The following ERC2 variants were observed in gnomAD, a reference collection of about 807,000 sequenced individuals.
ERC2 encodes ERC protein 2.
Under a neutral mutation model 114.8 loss-of-function variants are expected in ERC2, and 42 were observed. The ratio of observed to expected loss-of-function variants is 0.37; its 90% confidence interval spans 0.29 to 0.47. ERC2 has a LOEUF of 0.47. Among genes scored for constraint, ERC2 ranks in the 20% least tolerant of loss-of-function variants. ERC2 has a pLI of 0.99. For missense variants in ERC2, 939 were observed against 1,150.7 expected (o/e 0.82, Z 2.66); for synonymous variants, 454 against 425.5 (o/e 1.07, Z -0.82).
chr3:55,798,948 A>T (rs930147920), intron 14 of ERC2, among the ~76,000 whole-genome samples: 6 of 152,206 alleles, frequency 3.9e-5, no homozygotes, highest in East Asian at 3.8e-4. Context: ...ATACATTTTT[A>T]AAAATAATGT....
intron 13 of ERC2, among the ~76,000 whole-genome samples, chr3:55,947,749 A>G (rs572325818): frequency 6.6e-6 from 1 of 152,176 alleles, no homozygotes; most frequent in Non-Finnish European, 1.5e-5. Context: ...AGAATAAACT[A>G]TTGGTACTAA....
At chr3:56,003,779 A>G (rs536221709) in intron 10 of ERC2, among the ~76,000 whole-genome samples, 1 of 152,242 alleles carries the variant, frequency 6.6e-6, no homozygotes, top group Non-Finnish European at 1.5e-5. Context: ...ATTAATAGAA[A>G]ACATAATTTT....
chr3:56,420,227 C>G (rs2061334861), intron 2 of ERC2, among the ~76,000 whole-genome samples: 2 of 118,956 alleles, frequency 1.7e-5, no homozygotes, highest in African/African-American at 6.4e-5. Context: ...CTCTGTCACT[C>G]AGGCTGGAGT....
At chr3:56,059,800 T>C (rs2076174605) in intron 7 of ERC2, among the ~76,000 whole-genome samples, 1 of 152,258 alleles carries the variant, frequency 6.6e-6, no homozygotes, top group African/African-American at 2.4e-5. Flanking sequence ...GTCTTTTAGC[T>C]ATTGTACAAC....
rs2061955675 is a variant in ERC2 at position 55,859,849 on chromosome 3, A to G, written c.2564+28540T>C. Among the ~76,000 whole-genome samples, 3 of 152,036 alleles carry G rather than the reference A, an allele frequency of 2.0e-5. No homozygotes were observed. In the South Asian group the frequency reaches 6.2e-4, roughly 32 times the overall value. The stretch of plus-strand genomic sequence containing the variant: ...GGAAGATCTTTAGTACAGACAGAAG[A>G]CAAACCAGGGGGATGACACTGTGCT... On this transcript the variant is annotated intron_variant, in intron 14 of 17. Transcript: ENST00000288221.
chr3:55,747,322 A>G, intron 14 of ERC2, among the ~76,000 whole-genome samples: 1 of 151,944 alleles, frequency 6.6e-6, no homozygotes, highest in East Asian at 1.9e-4. Context: ...TTTTTTAAAG[A>G]GGTCATTTAA....
chr3:56,097,463 C>G (rs2078124119), intron 6 of ERC2, among the ~76,000 whole-genome samples: 2 of 152,010 alleles, frequency 1.3e-5, no homozygotes, highest in African/African-American at 4.8e-5. Context: ...AAATCTGTTT[C>G]ATCCTGCGAA....
At chr3:55,641,219 A>T (rs1030936994) in intron 17 of ERC2, among the ~76,000 whole-genome samples, 2 of 152,210 alleles carry the variant, frequency 1.3e-5, no homozygotes, top group African/African-American at 4.8e-5. Context: ...AGATGCAGCC[A>T]TACCTGAAGT....
At chr3:55,836,460 A>G (rs1240773018) in intron 14 of ERC2, among the ~76,000 whole-genome samples, 21 of 152,214 alleles carry the variant, frequency 1.4e-4, no homozygotes, top group Non-Finnish European at 3.1e-4. Flanking sequence ...CTTATCTACA[A>G]TTATATGATC....
intron 14 of ERC2, among the ~76,000 whole-genome samples, chr3:55,825,055 A>G (rs2060273266): frequency 6.6e-6 from 1 of 152,070 alleles, no homozygotes; most frequent in Non-Finnish European, 1.5e-5. Flanking sequence ...TTTTATCATG[A>G]TGTATTTTAG....
At chr3:55,706,077 G>C (rs535950470) in intron 15 of ERC2, among the ~76,000 whole-genome samples, 1 of 151,944 alleles carries the variant, frequency 6.6e-6, no homozygotes. Flanking sequence ...GGAAGTGTTA[G>C]GGAGCTCACG....
chr3:55,521,881 C>A (rs2052972159), intron 17 of ERC2, among the ~76,000 whole-genome samples: 1 of 152,168 alleles, frequency 6.6e-6, no homozygotes. Flanking sequence ...GTCACTAAAC[C>A]CATTAGCGTT....
chr3:55,545,407 A>G (rs1033899410), intron 17 of ERC2, among the ~76,000 whole-genome samples: 3 of 152,232 alleles, frequency 2.0e-5, no homozygotes, highest in East Asian at 3.9e-4. Context: ...CTGATGTCCT[A>G]CTGCATTTCT....
intron 14 of ERC2, among the ~76,000 whole-genome samples, chr3:55,830,156 T>C (rs2060506303): frequency 6.6e-6 from 1 of 152,116 alleles, no homozygotes; most frequent in Admixed American, 6.5e-5. Context: ...CTCTCAGAAA[T>C]CACTGAAGAC....
chr3:56,058,829 T>C (rs1349536918), intron 7 of ERC2, among the ~76,000 whole-genome samples: 12 of 152,210 alleles, frequency 7.9e-5, no homozygotes, highest in African/African-American at 2.9e-4. Context: ...CATAATCACA[T>C]GAGCCAATTT....
rs78716830 is a variant in ERC2, at chr3:56,283,559, C to T, written c.1074+12460G>A. On this transcript the variant is annotated intron_variant, in intron 3 of 17. Coordinates refer to ENST00000288221, the MANE Select transcript of ERC2 (RefSeq NM_015576.3). ...GTGGACTCTGCCAGAATGACAAAGG[C>T]CCCCTCCACCCTTTACAAATAAATC... is the stretch of plus-strand genomic sequence containing the variant. Among the ~76,000 whole-genome samples, 57 of 152,276 alleles carry T rather than the reference C, an allele frequency of 3.7e-4. No homozygotes were observed. In the East Asian group the frequency reaches 8.9e-3, roughly 24 times the overall value.
intron 13 of ERC2, among the ~76,000 whole-genome samples, chr3:55,925,013 G>T (rs899927480): frequency 1.3e-5 from 2 of 152,164 alleles, no homozygotes; most frequent in Admixed American, 6.5e-5. Context: ...CTTAAACAAG[G>T]TTATTTAATC....
At chr3:55,835,046 C>G (rs2060807951) in intron 14 of ERC2, among the ~76,000 whole-genome samples, 1 of 151,620 alleles carries the variant, frequency 6.6e-6, no homozygotes, top group Admixed American at 6.6e-5. Flanking sequence ...CAAGACTAAA[C>G]CAGGAAGAAG....
Position 56,237,855 on chromosome 3 carries a change from A to G in ERC2, c.1074+58164T>C, listed in dbSNP as rs138299205. Among the ~76,000 whole-genome samples, 425 of 149,772 alleles carry G rather than the reference A, an allele frequency of 2.8e-3. 1 individual carries two copies. Among genetic ancestry groups the G allele is most frequent in the African/African-American group, 9.9e-3 (406 of 40,880 alleles). ...ATGGGATGATAACAATGTGAATTATACCCTATTTAAATGATTTCTGCCTTT... is the reference window on the plus strand; with the variant it reads ...ATGGGATGATAACAATGTGAATTATGCCCTATTTAAATGATTTCTGCCTTT... On this transcript the variant is annotated intron_variant, in intron 3 of 17. Transcript: ENST00000288221.
Sources: allele counts gnomAD v4.1 joint callset (sites outside exome capture counted in the v4.1 genomes callset), GRCh38; gene constraint gnomAD v4.1.1; transcripts MANE v1.5; gene names NCBI Gene and HGNC (gene_info 2026-07-23, HGNC 2026-07-21).